The following SLC22A16 variants were observed in gnomAD, a reference collection of about 807,000 sequenced individuals.
SLC22A16 encodes solute carrier family 22 member 16, also known as WUGSC:RG331P03.1.
SLC22A16 carries 53 observed loss-of-function variants against 52.9 expected under a neutral mutation model. That is an observed-to-expected ratio of 1.00 (90% CI 0.80 to 1.26). SLC22A16 has a LOEUF of 1.26. SLC22A16 is among the 50% of genes most tolerant of loss of function. The pLI is 0.00. For missense variants in SLC22A16, 726 were observed against 704.0 expected (o/e 1.03, Z -0.35); for synonymous variants, 291 against 268.8 (o/e 1.08, Z -0.81).
chr6:110,472,860 C>T lies in SLC22A16; in HGVS notation c.53+3662G>A, dbSNP rs1247247496. ...GAAAAGCAAGGGCGGCCAGAAGCCC[C>T]AGGGAATGGACCCATGCAATCTGAG... On this transcript the variant is annotated intron_variant, in intron 1 of 7. Coordinates refer to ENST00000368919, the MANE Select transcript of SLC22A16 (RefSeq NM_033125.4). Among the ~76,000 whole-genome samples, 7 of 152,312 alleles carry T rather than the reference C, an allele frequency of 4.6e-5. No homozygotes were observed. The East Asian group carries it at 1.3e-3, about 29-fold the overall frequency.
intron 7 of SLC22A16, among the ~76,000 whole-genome samples, chr6:110,426,734 C>T (rs147278440): frequency 0.059 from 8,984 of 152,190 alleles, 304 homozygotes; most frequent in Middle Eastern, 0.11. Context: ...GTGGATCACC[C>T]GAGGTCAGGA....
At chr6:110,474,346 T>C (rs916719) in intron 1 of SLC22A16, among the ~76,000 whole-genome samples, 33,196 of 152,160 alleles carry the variant, frequency 0.22, 5,700 homozygotes, top group African/African-American at 0.48. Flanking sequence ...CTAGGATCCC[T>C]TAAAGAGAGG....
chr6:110,448,433 T>G (rs1404304921), intron 2 of SLC22A16, among the ~76,000 whole-genome samples: 1 of 152,192 alleles, frequency 6.6e-6, no homozygotes, highest in African/African-American at 2.4e-5. Context: ...AATATTTTCT[T>G]CCTATGGGTT....
At position 110,457,009 on chromosome 6, in the gene SLC22A16, C is replaced by T. The variant is rs779217731; in HGVS notation, c.62G>A (p.Arg21Lys). 1 of 1,525,314 alleles carries T rather than the reference C, an allele frequency of 6.6e-7. No individual in the cohort carries two copies. Among genetic ancestry groups the T allele is most frequent in the Non-Finnish European group, 8.8e-7 (1 of 1,139,406 alleles). 94.5% of individuals were successfully genotyped at this position (1,525,314 alleles called of 1,614,324 possible). The change falls in exon 2 of 8, where the codon AGA becomes AAA. Residue 21 changes from arginine to lysine, a missense_variant. Coordinates refer to ENST00000368919, the MANE Select transcript of SLC22A16 (RefSeq NM_033125.4). ...GAAGGCACATATGAAATAGAGGACTCTCTGGAATCTGCAAGAGAAGAAAAG... is the reference window on the plus strand; with the variant it reads ...GAAGGCACATATGAAATAGAGGACTTTCTGGAATCTGCAAGAGAAGAAAAG... ...DHVGHFGRFQ[R>K]VLYFICAFQN...
At chr6:110,434,490 C>T (rs1458355958) in intron 6 of SLC22A16, among the ~76,000 whole-genome samples, 1 of 152,144 alleles carries the variant, frequency 6.6e-6, no homozygotes, top group East Asian at 1.9e-4. Context: ...AACAGAGCTT[C>T]CACAAAGGAC....
Position 110,457,003 on chromosome 6 carries a change from A to G in SLC22A16, c.68T>C (p.Leu23Pro), listed in dbSNP as rs369701118. The G allele has an allele frequency of 6.5e-6, 10 of 1,535,274 alleles. No homozygotes were observed. The African/African-American group carries it at 1.4e-4, about 21-fold the overall frequency. ...GTTCTGGAAGGCACATATGAAATAG[A>G]GGACTCTCTGGAATCTGCAAGAGAA... The part of the protein sequence containing the change: ...VGHFGRFQRV[L>P]YFICAFQNIS... Residue 23 changes from leucine to proline, a missense_variant, in exon 2 of 8, where the codon CTC becomes CCC. By Grantham distance (98) the Leu-to-Pro change is moderately conservative (BLOSUM62 -3). Transcript: ENST00000368919.
chr6:110,458,497 A>G (rs1775752527), intron 1 of SLC22A16, among the ~76,000 whole-genome samples: 1 of 152,252 alleles, frequency 6.6e-6, no homozygotes, highest in South Asian at 2.1e-4. Context: ...TTTGAGCAAC[A>G]AAATAAATGG....
chr6:110,454,248 C>T (rs1366802703), intron 2 of SLC22A16, among the ~76,000 whole-genome samples: 1 of 152,118 alleles, frequency 6.6e-6, no homozygotes, highest in Non-Finnish European at 1.5e-5. Flanking sequence ...TGGTCAGGGA[C>T]TTGCCATCTT....
In SLC22A16 at chr6:110,476,533, C is replaced by A; in HGVS notation, c.42G>T (p.Gly14=). 6 of 1,471,494 alleles carry A rather than the reference C, an allele frequency of 4.1e-6. No individual in the cohort carries two copies. Among genetic ancestry groups the A allele is most frequent in the Non-Finnish European group, 5.4e-6 (6 of 1,110,446 alleles). The allele number at this position is 1,471,494 out of a possible 1,614,324, so 91.2% of individuals were successfully genotyped here. A position where few individuals can be genotyped will look rare whatever the true frequency, so the allele number is the denominator to read the frequency against. ...RHFEGIYDHV[G]HFGRFQRVLY... is the part of the protein sequence containing the mutation. ...CCCCTCCCCCATACCTGCCGAAGTG[C>A]CCCACGTGGTCATAAATCCCCTCGA... Residue 14 remains glycine (G), a synonymous_variant, in exon 1 of 8, where the codon GGG becomes GGT. Transcript: ENST00000368919.
chr6:110,457,197 A>G (rs930476777), intron 1 of SLC22A16, among the ~76,000 whole-genome samples, 180 bp from the exon 2 acceptor site: 4 of 152,232 alleles, frequency 2.6e-5, no homozygotes, highest in Non-Finnish European at 5.9e-5. Flanking sequence ...ACTTAGCTCC[A>G]TCTACTGAGA....
At chr6:110,443,224 G>A (rs1775045215) in intron 3 of SLC22A16, among the ~76,000 whole-genome samples, 2 of 152,146 alleles carry the variant, frequency 1.3e-5, no homozygotes, top group Admixed American at 1.3e-4. Context: ...GACAGGCAAA[G>A]AAGACAAATT....
chr6:110,425,485 G>A (rs1774224552), intron 7 of SLC22A16: 2 of 1,131,182 alleles, frequency 1.8e-6, no homozygotes, highest in Admixed American at 2.5e-5. Context: ...TGCCAAGCAG[G>A]GACTGTCTTA....
In SLC22A16 at chr6:110,442,524, A is replaced by G. The variant is rs770516099; in HGVS notation, c.903T>C (p.Tyr301=). ...TPFWLLSEGR[Y]EEAQKIVDIM... ...TGTCAACTATTTTTTGTGCTTCTTCATATCGTCCCTCTGAGAGAAGCCAAA... is the reference window on the plus strand; with the variant it reads ...TGTCAACTATTTTTTGTGCTTCTTCGTATCGTCCCTCTGAGAGAAGCCAAA... The change falls in exon 4 of 8, where the codon TAT becomes TAC. Residue 301 remains tyrosine, a synonymous_variant. Coordinates refer to ENST00000368919, the MANE Select transcript of SLC22A16 (RefSeq NM_033125.4). 4 of 1,614,020 alleles carry G rather than the reference A, an allele frequency of 2.5e-6. No homozygotes were observed. Among genetic ancestry groups the G allele is most frequent in the Non-Finnish European group, 3.4e-6 (4 of 1,180,034 alleles).
chr6:110,459,753 T>C (rs1042345983), intron 1 of SLC22A16, among the ~76,000 whole-genome samples: 2 of 152,190 alleles, frequency 1.3e-5, no homozygotes, highest in African/African-American at 4.8e-5. Context: ...CTGTACTATC[T>C]GTGTAACTTT....
chr6:110,433,045 A>G lies in SLC22A16; in HGVS notation c.1422-1775T>C, dbSNP rs117965606. ...CTAATCTTGTGTGAATTCCAGTTCC[A>G]CAACCTGTAAAATGGACAGAAGATG... On this transcript the variant is annotated intron_variant, in intron 6 of 7. Transcript: ENST00000368919. Among the ~76,000 whole-genome samples the G allele has an allele frequency of 6.7e-3, 1,022 of 152,328 alleles. 2 individuals carry two copies. The highest frequency in any genetic ancestry group is 0.011 in the Non-Finnish European group (776 of 68,028).
At position 110,431,159 on chromosome 6, in the gene SLC22A16, A is replaced by G; in HGVS notation, c.1521+12T>C. On this transcript the variant is annotated intron_variant, in intron 7 of 7. Transcript: ENST00000368919. ...GTGCCCCCTTGGGGAGGGTCTGCAA[A>G]CTGAAGCACACCTGTGGTATGAAGA... 6.2e-7 allele frequency: 1 copy of G among 1,612,628 alleles called. No individual in the cohort carries two copies. The highest frequency in any genetic ancestry group is 1.1e-5 in the South Asian group (1 of 91,032).
chr6:110,435,782 G>T (rs112574707), intron 6 of SLC22A16, 70 bp downstream of exon 6: 1 of 1,180,562 alleles, frequency 8.5e-7, no homozygotes, highest in Non-Finnish European at 1.2e-6. Context: ...ACATGTAAAG[G>T]CCAAATACAA....
intron 1 of SLC22A16, chr6:110,476,284 G>T: frequency 1.6e-6 from 2 of 1,279,744 alleles, no homozygotes; most frequent in Non-Finnish European, 1.0e-6. Flanking sequence ...GGCAACAGGC[G>T]CACTCCGAGC....
chr6:110,469,540 C>T (rs1299402731), intron 1 of SLC22A16, among the ~76,000 whole-genome samples: 1 of 152,074 alleles, frequency 6.6e-6, no homozygotes, highest in East Asian at 1.9e-4. Context: ...AGAGAGAGAC[C>T]CTGTCTCAAA....
Sources: gnomAD v4.1 joint callset for allele counts (sites outside exome capture counted in the v4.1 genomes callset) on GRCh38, gnomAD v4.1.1 for gene constraint, MANE v1.5 for transcripts, NCBI Gene and HGNC (gene_info 2026-07-23, HGNC 2026-07-21) for gene names.